Variants in EPCIP observed in about 807,000 individuals in gnomAD.
The protein encoded by EPCIP is exosomal polycystin-1-interacting protein.
chr21:32,793,943 C>A, the EPCIP span: 1 of 1,614,174 alleles, frequency 6.2e-7, no homozygotes, highest in Non-Finnish European at 8.5e-7. Context: ...TGGCTGCCAG[C>A]CTTTGTGTAA....
the EPCIP span, among the ~76,000 whole-genome samples, chr21:32,793,252 C>T: frequency 1.3e-5 from 2 of 152,028 alleles, no homozygotes; most frequent in African/African-American, 2.4e-5. Context: ...CCACTGTGCC[C>T]GACCATTTTA....
At chr21:32,791,013 AGCTGAGCCACTGTAGAGCTTCAGGTGGG>A in the EPCIP span, 1 of 152,206 alleles carries the variant, frequency 6.6e-6, no homozygotes, top group Non-Finnish European at 1.5e-5. Flanking sequence ...ACTCAGTTGG[AGCTGAGCCACTGTAGAGCTTCAGGTGGG>A]GCATGCACCC....
chr21:32,794,063 C>T, the EPCIP span: 1 of 1,614,180 alleles, frequency 6.2e-7, no homozygotes, highest in Non-Finnish European at 8.5e-7. Context: ...CTTCAGACCA[C>T]AAATAGCCAG....
the EPCIP span, among the ~76,000 whole-genome samples, chr21:32,791,757 T>A: frequency 6.6e-6 from 1 of 152,086 alleles, no homozygotes. Flanking sequence ...AAGTGATGTA[T>A]GTGATCTAAA....
chr21:32,807,310 T>C, the EPCIP span, among the ~76,000 whole-genome samples: 5 of 151,180 alleles, frequency 3.3e-5, no homozygotes, highest in Middle Eastern at 3.5e-3. Context: ...AGGCATGTTA[T>C]TGATCCTTGA....
the EPCIP span, chr21:32,793,656 C>A: frequency 1.0e-6 from 1 of 992,510 alleles, no homozygotes; most frequent in South Asian, 1.3e-5. Context: ...CGGAGAGAGG[C>A]ACAGTTGTGG....
the EPCIP span, among the ~76,000 whole-genome samples, chr21:32,808,291 A>T: frequency 6.6e-6 from 1 of 151,022 alleles, no homozygotes; most frequent in East Asian, 1.9e-4. Flanking sequence ...TTGCTAGGAG[A>T]TGAGAGAAAA....
the EPCIP span, among the ~76,000 whole-genome samples, chr21:32,806,279 A>G: frequency 6.6e-6 from 1 of 152,200 alleles, no homozygotes; most frequent in East Asian, 1.9e-4. Flanking sequence ...AGATGGCACT[A>G]TTTGACCCTT....
the EPCIP span, among the ~76,000 whole-genome samples, chr21:32,792,323 TATAAA>T: frequency 6.6e-6 from 1 of 152,236 alleles, no homozygotes; most frequent in African/African-American, 2.4e-5. Context: ...AACCGTGTCA[TATAAA>T]ATGCCTTCAC....
the EPCIP span, among the ~76,000 whole-genome samples, chr21:32,808,181 A>C: frequency 6.6e-6 from 1 of 152,198 alleles, no homozygotes; most frequent in Non-Finnish European, 1.5e-5. Flanking sequence ...TCAGAGTCCA[A>C]TCTTGCAAAG....
the EPCIP span, chr21:32,793,688 C>T: frequency 7.2e-7 from 1 of 1,387,268 alleles, no homozygotes; most frequent in South Asian, 1.2e-5. Context: ...TATCTCACGG[C>T]CTTATTTCCA....
chr21:32,799,302 A>G, the EPCIP span, among the ~76,000 whole-genome samples: 3 of 152,232 alleles, frequency 2.0e-5, no homozygotes, highest in Non-Finnish European at 2.9e-5. Flanking sequence ...AAGAGTGCAG[A>G]TATATGTCTG....
At chr21:32,794,258 C>CTGTA in the EPCIP span, 5 of 1,614,268 alleles carry the variant, frequency 3.1e-6, no homozygotes, top group East Asian at 1.1e-4. Flanking sequence ...GTTGGCCAAA[C>CTGTA]TGTAGTCACA....
chr21:32,809,279 C>CCCTCT, the EPCIP span, among the ~76,000 whole-genome samples: 11 of 80,066 alleles, frequency 1.4e-4, no homozygotes, highest in East Asian at 5.1e-3. Flanking sequence ...CTCCCTCCTT[C>CCCTCT]CTTTCTTTCT....
the EPCIP span, chr21:32,793,544 T>G: frequency 3.3e-6 from 2 of 609,668 alleles, no homozygotes; most frequent in South Asian, 4.0e-5. Flanking sequence ...GGTTTTTTGG[T>G]TTCTTTTTCT....
chr21:32,804,774 T>G, the EPCIP span, among the ~76,000 whole-genome samples: 15 of 152,190 alleles, frequency 9.9e-5, no homozygotes, highest in Non-Finnish European at 2.2e-4. Flanking sequence ...CTGAGGATTG[T>G]GAGGTCCTGA....
chr21:32,811,447 G>A, the EPCIP span, among the ~76,000 whole-genome samples: 1 of 152,110 alleles, frequency 6.6e-6, no homozygotes, highest in African/African-American at 2.4e-5. Context: ...TTCATATCAG[G>A]AAATGATACA....
At chr21:32,802,129 C>T in the EPCIP span, among the ~76,000 whole-genome samples, 1 of 152,116 alleles carries the variant, frequency 6.6e-6, no homozygotes, top group Non-Finnish European at 1.5e-5. Context: ...TTTATGCTGG[C>T]AGTTACTTGG....
At chr21:32,808,460 C>G in the EPCIP span, among the ~76,000 whole-genome samples, 2 of 152,156 alleles carry the variant, frequency 1.3e-5, no homozygotes, top group Non-Finnish European at 2.9e-5. Flanking sequence ...TTTTTCCTTT[C>G]AACTGTGTTC....
Sources: allele counts gnomAD v4.1 joint callset (sites outside exome capture counted in the v4.1 genomes callset), GRCh38; gene constraint gnomAD v4.1.1; transcripts MANE v1.5; gene names NCBI Gene and HGNC (gene_info 2026-07-23, HGNC 2026-07-21).